KCNIP1: variants seen among roughly 807,000 people sequenced by gnomAD.
KCNIP1 encodes the protein potassium voltage-gated channel interacting protein 1.
A neutral mutation model predicts 33.0 loss-of-function variants in KCNIP1; 18 were observed. The ratio of observed to expected loss-of-function variants is 0.55; its 90% CI spans 0.38 to 0.81. The LOEUF (loss-of-function observed/expected upper bound fraction) is 0.81, where lower values mean the gene tolerates loss of function less well. Ranked by LOEUF, KCNIP1 falls within the 30% of genes least tolerant of loss-of-function variation. KCNIP1 has a pLI of 0.00. For missense variants in KCNIP1, 238 were observed against 271.6 expected, an observed-to-expected ratio of 0.88 and a Z score of 0.87; for synonymous variants, 93 against 98.3, an observed-to-expected ratio of 0.95 and a Z score of 0.32.
intron 1 of KCNIP1, among the ~76,000 whole-genome samples, chr5:170,419,843 G>A (rs1320879613): frequency 6.6e-6 from 1 of 152,186 alleles, no homozygotes; most frequent in Non-Finnish European, 1.5e-5. Flanking sequence ...CCCCCTGACA[G>A]CTGGGGAAAC....
intron 1 of KCNIP1, among the ~76,000 whole-genome samples, chr5:170,568,791 C>T (rs1757294739): frequency 6.6e-6 from 1 of 151,972 alleles, no homozygotes; most frequent in African/African-American, 2.4e-5. Context: ...CCACTGCACT[C>T]CCGCCTGGTT....
At chr5:170,536,059 G>A (rs546838039) in intron 1 of KCNIP1, among the ~76,000 whole-genome samples, 2 of 152,342 alleles carry the variant, frequency 1.3e-5, no homozygotes, top group East Asian at 3.9e-4. Flanking sequence ...CGTAAAGGCA[G>A]GATTTTGTTT....
intron 1 of KCNIP1, among the ~76,000 whole-genome samples, chr5:170,660,795 C>T (rs1761453183): frequency 6.6e-6 from 1 of 152,236 alleles, no homozygotes; most frequent in South Asian, 2.1e-4. Flanking sequence ...GCTCAGCAGA[C>T]TTGCCCTTGG....
At chr5:170,355,863 G>C (rs538262881) in intron 1 of KCNIP1, among the ~76,000 whole-genome samples, 1 of 152,324 alleles carries the variant, frequency 6.6e-6, no homozygotes, top group East Asian at 1.9e-4. Context: ...CTGTGGCCAG[G>C]GCTCAGAGAG....
chr5:170,572,129 G>T (rs1245378110), intron 1 of KCNIP1, among the ~76,000 whole-genome samples: 4 of 152,200 alleles, frequency 2.6e-5, no homozygotes, highest in Non-Finnish European at 5.9e-5. Context: ...CCTCAGCCTG[G>T]TATTGCCCAA....
intron 1 of KCNIP1, among the ~76,000 whole-genome samples, chr5:170,652,053 C>T (rs1312106281): frequency 1.3e-5 from 2 of 152,098 alleles, no homozygotes; most frequent in African/African-American, 2.4e-5. Flanking sequence ...GTGGCTGTCA[C>T]GCTGAGCAAT....
At chr5:170,401,512 C>T (rs889466662) in intron 1 of KCNIP1, among the ~76,000 whole-genome samples, 16 of 152,018 alleles carry the variant, frequency 1.1e-4, no homozygotes, top group Admixed American at 9.2e-4. Flanking sequence ...GTCTATAATC[C>T]CAGCAGTTTG....
At chr5:170,530,351 C>T (rs1038796619) in intron 1 of KCNIP1, among the ~76,000 whole-genome samples, 10 of 152,188 alleles carry the variant, frequency 6.6e-5, no homozygotes, top group African/African-American at 2.4e-4. Context: ...CGTAACTGCT[C>T]CTTTTAGTCC....
At chr5:170,620,709 T>C (rs1759568445) in intron 1 of KCNIP1, among the ~76,000 whole-genome samples, 2 of 152,218 alleles carry the variant, frequency 1.3e-5, no homozygotes, top group South Asian at 4.1e-4. Context: ...TTAAAAAATC[T>C]TCTTTGGGTA....
chr5:170,604,154 G>T (rs1758805159), intron 1 of KCNIP1, among the ~76,000 whole-genome samples: 1 of 152,152 alleles, frequency 6.6e-6, no homozygotes, highest in African/African-American at 2.4e-5. Flanking sequence ...TGCCCAACAG[G>T]TGGCGCCATT....
chr5:170,410,748 G>A (rs1755164970), intron 1 of KCNIP1, among the ~76,000 whole-genome samples: 1 of 152,104 alleles, frequency 6.6e-6, no homozygotes, highest in Non-Finnish European at 1.5e-5. Context: ...TAAATTATTT[G>A]GATCAGGATA....
intron 1 of KCNIP1, among the ~76,000 whole-genome samples, chr5:170,508,898 G>A (rs867805543): frequency 6.6e-6 from 1 of 152,024 alleles, no homozygotes; most frequent in South Asian, 2.1e-4. Flanking sequence ...GACAATCAAC[G>A]GAGGTGTTAA....
At chr5:170,449,691 A>C (rs531546024) in intron 1 of KCNIP1, among the ~76,000 whole-genome samples, 101 of 152,358 alleles carry the variant, frequency 6.6e-4, no homozygotes, top group Non-Finnish European at 1.2e-3. Context: ...CCGGCGGTGT[A>C]TGTTAAATGC....
chr5:170,574,673 G>T (rs1757534563), intron 1 of KCNIP1, among the ~76,000 whole-genome samples: 1 of 152,096 alleles, frequency 6.6e-6, no homozygotes, highest in Non-Finnish European at 1.5e-5. Context: ...ACTTATTCCA[G>T]TTCAGGGTCA....
At chr5:170,508,745 C>T (rs192701931) in intron 1 of KCNIP1, among the ~76,000 whole-genome samples, 38 of 152,318 alleles carry the variant, frequency 2.5e-4, no homozygotes, top group East Asian at 1.5e-3. Flanking sequence ...AAAATTCCAC[C>T]GACATTCCAA....
intron 1 of KCNIP1, among the ~76,000 whole-genome samples, chr5:170,463,009 T>C (rs1441141352): frequency 1.3e-5 from 2 of 151,944 alleles, no homozygotes; most frequent in Non-Finnish European, 2.9e-5. Context: ...AGACCACAAA[T>C]ATGGTGCAGT....
chr5:170,696,016 C>CAAAAAAA (rs34474795), intron 1 of KCNIP1, among the ~76,000 whole-genome samples: 3 of 93,960 alleles, frequency 3.2e-5, no homozygotes, highest in South Asian at 7.7e-4. Flanking sequence ...GACTCTGTCT[C>CAAAAAAA]AAAAAAAAAA....
At chr5:170,432,012 C>T (rs1755753686) in intron 1 of KCNIP1, among the ~76,000 whole-genome samples, 1 of 151,942 alleles carries the variant, frequency 6.6e-6, no homozygotes, top group Non-Finnish European at 1.5e-5. Flanking sequence ...TTATCTCTCT[C>T]TCTCTCTGTG....
chr5:170,685,786 C>T (rs1468317374), intron 1 of KCNIP1, among the ~76,000 whole-genome samples: 8 of 151,994 alleles, frequency 5.3e-5, no homozygotes, highest in Admixed American at 2.0e-4. Context: ...ACTGCCCAGC[C>T]GATAAACTTT....
Sources: gnomAD v4.1 joint callset for allele counts (sites outside exome capture counted in the v4.1 genomes callset) on GRCh38, gnomAD v4.1.1 for gene constraint, MANE v1.5 for transcripts, NCBI Gene and HGNC (gene_info 2026-07-23, HGNC 2026-07-21) for gene names.